The following ZFAT variants were observed in gnomAD, a reference collection of about 807,000 sequenced individuals.
The protein encoded by ZFAT is zinc finger and AT-hook domain containing.
Under a neutral mutation model 117.7 loss-of-function variants are expected in ZFAT, and 64 were observed. That is an observed-to-expected ratio of 0.54 (90% CI 0.44 to 0.67). The LOEUF (loss-of-function observed/expected upper bound fraction) is 0.67. Ranked by LOEUF, ZFAT falls within the 30% of genes least tolerant of loss-of-function variation. The probability of loss-of-function intolerance (pLI) is 0.00; values close to 1 mark genes in which losing one functional copy is unlikely to be tolerated. For synonymous variants in ZFAT, 679 were observed against 615.0 expected (o/e 1.10, Z -1.54); for missense variants, 1,433 against 1,584.5 (o/e 0.90, Z 1.62).
At chr8:134,598,999 C>G (rs1827186169) in intron 7 of ZFAT, 1 of 152,348 alleles carries the variant, frequency 6.6e-6, no homozygotes, top group South Asian at 2.1e-4. Flanking sequence ...AGAACTTGTT[C>G]TCATATTGGC....
At chr8:134,817,232 C>A in the ZFAT span, among the ~76,000 whole-genome samples, 1 of 152,034 alleles carries the variant, frequency 6.6e-6, no homozygotes, top group Admixed American at 6.6e-5. Flanking sequence ...GCCTTCAGAG[C>A]AAAACCAGAT....
the ZFAT span, among the ~76,000 whole-genome samples, chr8:134,773,692 C>T: frequency 3.3e-5 from 5 of 152,060 alleles, no homozygotes; most frequent in Admixed American, 6.6e-5. Flanking sequence ...AGTTCCAAAC[C>T]TTATGGATGA....
At chr8:134,796,144 C>T in the ZFAT span, 1 of 152,200 alleles carries the variant, frequency 6.6e-6, no homozygotes, top group Non-Finnish European at 1.5e-5. Flanking sequence ...GTGTATCCTT[C>T]ATAATATCCT....
intron 1 of ZFAT, among the ~76,000 whole-genome samples, chr8:134,710,476 C>T (rs943402982): frequency 2.0e-5 from 3 of 152,180 alleles, no homozygotes; most frequent in Admixed American, 6.5e-5. Context: ...TCCATTTGCC[C>T]CAACTTCTTT....
At position 134,509,693 on chromosome 8, in the gene ZFAT, C is replaced by A. The variant is rs764390798; in HGVS notation, c.3418G>T (p.Ala1140Ser). 5.6e-6 allele frequency: 9 copies of A among 1,611,730 alleles called. No homozygotes were observed. The South Asian group carries it at 9.9e-5, about 18-fold the overall frequency. The change falls in exon 15 of 16, where the codon GCC becomes TCC. Residue 1140 changes from alanine to serine, a missense_variant. This residue lies in a region of ZFAT where 503 missense variants were observed against 543.4 expected (regional missense o/e 0.93). Transcript: ENST00000377838. Reference sequence around the variant, plus strand: ...AGGGCAGTGGCGTCATGGGTCTCGGCGCCCAGCTCAATGATCTGCTGCAGG... The same window carrying A: ...AGGGCAGTGGCGTCATGGGTCTCGGAGCCCAGCTCAATGATCTGCTGCAGG... ...NILQQIIELG[A>S]ETHDATALAS...
At chr8:134,698,545 C>A (rs1274652246) in intron 1 of ZFAT, among the ~76,000 whole-genome samples, 1 of 152,132 alleles carries the variant, frequency 6.6e-6, no homozygotes, top group African/African-American at 2.4e-5. Context: ...TCCTTGCATC[C>A]AAGAATTCCA....
At chr8:134,484,403 C>T (rs1384254086) in intron 15 of ZFAT, among the ~76,000 whole-genome samples, 2 of 152,206 alleles carry the variant, frequency 1.3e-5, no homozygotes, top group Non-Finnish European at 2.9e-5. Context: ...CAGCCATGGA[C>T]TCCAGGGCCA....
chr8:134,562,926 C>T (rs977910955), intron 11 of ZFAT, among the ~76,000 whole-genome samples: 1 of 152,166 alleles, frequency 6.6e-6, no homozygotes, highest in African/African-American at 2.4e-5. Flanking sequence ...AAGGAAAATG[C>T]TTCACAGTGT....
chr8:134,826,896 G>A, the ZFAT span, among the ~76,000 whole-genome samples: 5 of 152,158 alleles, frequency 3.3e-5, no homozygotes, highest in Non-Finnish European at 5.9e-5. Context: ...TTGTATTGAC[G>A]CTATAGGTAA....
chr8:134,567,811 C>G (rs1018493334), intron 10 of ZFAT, among the ~76,000 whole-genome samples: 1 of 152,214 alleles, frequency 6.6e-6, no homozygotes, highest in Non-Finnish European at 1.5e-5. Flanking sequence ...ACCCCTGAGC[C>G]TTTGCTAACA....
At chr8:134,771,937 A>C in the ZFAT span, among the ~76,000 whole-genome samples, 1 of 152,216 alleles carries the variant, frequency 6.6e-6, no homozygotes, top group Non-Finnish European at 1.5e-5. Context: ...GAGTTTGTTC[A>C]GTGAAACTCC....
intron 3 of ZFAT, among the ~76,000 whole-genome samples, chr8:134,613,070 T>A (rs1250177452): frequency 1.3e-5 from 2 of 152,198 alleles, no homozygotes; most frequent in Non-Finnish European, 2.9e-5. Context: ...GCAGAATATA[T>A]TGGATGCTAT....
At chr8:134,512,744 AC>A in intron 13 of ZFAT, 143 bp from the exon 14 acceptor site, 1 of 1,087,966 alleles carries the variant, frequency 9.2e-7, no homozygotes, top group Non-Finnish European at 1.3e-6. Flanking sequence ...CCCCTGAGAA[AC>A]CAGTTGCTCC....
At chr8:134,640,833 TC>T (rs1379482424) in intron 2 of ZFAT, among the ~76,000 whole-genome samples, 3 of 152,208 alleles carry the variant, frequency 2.0e-5, no homozygotes, top group African/African-American at 4.8e-5. Flanking sequence ...GTTGCTGCTG[TC>T]AACTACTCGC....
intron 1 of ZFAT, among the ~76,000 whole-genome samples, chr8:134,710,882 T>A (rs1467122785): frequency 6.6e-6 from 1 of 152,216 alleles, no homozygotes; most frequent in South Asian, 2.1e-4. Flanking sequence ...ATGCTACCAA[T>A]AAGACAATCA....
chr8:134,643,792 C>T (rs557139942), intron 2 of ZFAT, among the ~76,000 whole-genome samples: 1 of 152,336 alleles, frequency 6.6e-6, no homozygotes, highest in African/African-American at 2.4e-5. Flanking sequence ...AATGGGGGCG[C>T]CTTTTGTAAT....
chr8:134,799,694 G>A, the ZFAT span, among the ~76,000 whole-genome samples: 2 of 152,152 alleles, frequency 1.3e-5, no homozygotes, highest in Non-Finnish European at 2.9e-5. Flanking sequence ...GCAGAATCAA[G>A]ATATGAGCTC....
At position 134,712,875 on chromosome 8, in the gene ZFAT, A is replaced by G. The variant is rs1299080794; in HGVS notation, c.-12T>C. On this transcript the variant is annotated 5_prime_UTR_variant, in exon 1 of 16. Coordinates refer to ENST00000377838, the MANE Select transcript of ZFAT (RefSeq NM_020863.4). ...GCCCGCGTCTCCATGGCAACGCCCC[A>G]CCGCGGAGGAAAAAAAAGCCTCGGG... 21 of 1,114,904 alleles carry G rather than the reference A, an allele frequency of 1.9e-5. No individual in the cohort carries two copies. Among genetic ancestry groups the G allele is most frequent in the African/African-American group, 2.7e-5 (1 of 36,930 alleles). 69.1% of individuals were successfully genotyped at this position (1,114,904 alleles called of 1,614,324 possible). A position where few individuals can be genotyped will look rare whatever the true frequency, so the allele number is the denominator to read the frequency against.
At chr8:134,714,052 G>T (rs13266238), upstream of ZFAT, among the ~76,000 whole-genome samples, 15,888 of 137,766 alleles carry the variant, frequency 0.12, 1,074 homozygotes, top group Non-Finnish European at 0.17. Flanking sequence ...TAAATTGTTC[G>T]TTTACATTTT....
Sources: allele counts gnomAD v4.1 joint callset (sites outside exome capture counted in the v4.1 genomes callset), GRCh38; gene constraint gnomAD v4.1.1; regional missense constraint gnomAD v4.1.1; transcripts MANE v1.5; gene names NCBI Gene and HGNC (gene_info 2026-07-23, HGNC 2026-07-21).